Variants in KLHL18 observed in about 807,000 individuals in gnomAD.
KLHL18 encodes the protein kelch like family member 18.
KLHL18 carries 38 observed loss-of-function variants against 58.5 expected under a neutral mutation model. That is an observed-to-expected ratio of 0.65 (90% CI 0.50 to 0.85). The LOEUF (loss-of-function observed/expected upper bound fraction) is 0.85, where lower values mean the gene tolerates loss of function less well. Among genes scored for constraint, KLHL18 ranks in the 40% least tolerant of loss-of-function variants. KLHL18 has a pLI of 0.00. For missense variants in KLHL18, 624 were observed against 778.4 expected (o/e 0.80, Z 2.36); for synonymous variants, 303 against 301.9 (o/e 1.00, Z -0.04).
intron 2 of KLHL18, among the ~76,000 whole-genome samples, chr3:47,321,851 A>T (rs1171712588): frequency 1.3e-5 from 2 of 152,174 alleles, no homozygotes; most frequent in Non-Finnish European, 1.5e-5. Context: ...TGAGGGAATG[A>T]GCCATCTGGG....
intron 1 of KLHL18, among the ~76,000 whole-genome samples, chr3:47,284,138 G>A (rs1220622525): frequency 1.3e-5 from 2 of 151,948 alleles, no homozygotes; most frequent in Non-Finnish European, 2.9e-5. Flanking sequence ...AGGGTGAGGT[G>A]GGAGGATCGC....
rs1210229341 is a variant in KLHL18 at position 47,344,724 on chromosome 3, C to T, written c.*783C>T. The T allele has an allele frequency of 4.6e-5, 7 of 152,598 alleles. No homozygotes were observed. The highest frequency in any genetic ancestry group is 1.4e-4 in the African/African-American group (6 of 41,438). 9.5% of individuals were successfully genotyped at this position (152,598 alleles called of 1,614,324 possible). A position where few individuals can be genotyped will look rare whatever the true frequency, so the allele number is the denominator to read the frequency against. On this transcript the variant is annotated 3_prime_UTR_variant, in exon 10 of 10. Coordinates refer to ENST00000232766, the MANE Select transcript of KLHL18 (RefSeq NM_025010.5). ...AAAAAAGCATAAAAGACACTAACGG[C>T]AAATCTATGTTTAAATGGAAAATCG...
chr3:47,300,299 ATATATATATATG>A (rs1414841055), intron 1 of KLHL18, among the ~76,000 whole-genome samples: 1 of 146,044 alleles, frequency 6.8e-6, no homozygotes, highest in East Asian at 2.0e-4. Flanking sequence ...ATATATATAT[ATATATATATATG>A]TGTGTATATA....
intron 1 of KLHL18, among the ~76,000 whole-genome samples, chr3:47,309,676 C>G (rs1291714414): frequency 3.9e-5 from 6 of 152,134 alleles, no homozygotes; most frequent in Admixed American, 6.5e-5. Context: ...TGTAGCTAGC[C>G]GAGATCACGC....
chr3:47,302,742 T>C (rs1703054674), intron 1 of KLHL18, among the ~76,000 whole-genome samples: 1 of 152,218 alleles, frequency 6.6e-6, no homozygotes, highest in Admixed American at 6.5e-5. Flanking sequence ...ACTTTTTGCT[T>C]TTTCGTTTCT....
intron 1 of KLHL18, among the ~76,000 whole-genome samples, chr3:47,314,502 T>TC (rs1703377269): frequency 6.6e-6 from 1 of 151,936 alleles, no homozygotes; most frequent in Admixed American, 6.6e-5. Flanking sequence ...TTTTTTTTTT[T>TC]CTTCCTTTTT....
At chr3:47,298,714 C>T (rs1481481002) in intron 1 of KLHL18, among the ~76,000 whole-genome samples, 2 of 152,276 alleles carry the variant, frequency 1.3e-5, no homozygotes, top group East Asian at 3.9e-4. Context: ...TCACATCCAG[C>T]CCCCTCCCAC....
chr3:47,325,925 G>T (rs1576171941), intron 3 of KLHL18, among the ~76,000 whole-genome samples: 2 of 151,466 alleles, frequency 1.3e-5, no homozygotes, highest in African/African-American at 4.8e-5. Flanking sequence ...CTGCCACCAT[G>T]CCCGGCTAAT....
chr3:47,326,405 G>C (rs766746138), intron 3 of KLHL18, among the ~76,000 whole-genome samples: 2 of 152,218 alleles, frequency 1.3e-5, no homozygotes, highest in Non-Finnish European at 1.5e-5. Flanking sequence ...AAGTCAAGCT[G>C]TGTCAGCAAG....
At chr3:47,291,911 G>A (rs1229976681) in intron 1 of KLHL18, among the ~76,000 whole-genome samples, 2 of 152,192 alleles carry the variant, frequency 1.3e-5, no homozygotes, top group South Asian at 2.1e-4. Flanking sequence ...AAGCCTTCAC[G>A]CTCTGCTGGA....
Position 47,343,581 on chromosome 3 carries a change from C to A in KLHL18, c.1365C>A (p.Ala455=). Residue 455 remains alanine, a synonymous_variant, in exon 10 of 10, where the codon GCC becomes GCA. Coordinates refer to ENST00000232766, the MANE Select transcript of KLHL18 (RefSeq NM_025010.5). ...SSVEHYNHHT[A]TWHPAAGMLN... is the part of the protein sequence containing the mutation. The stretch of plus-strand genomic sequence containing the variant: ...TGGAACACTACAACCACCACACAGC[C>A]ACCTGGCACCCTGCAGCTGGCATGC... 2 of 1,613,836 alleles carry A rather than the reference C, an allele frequency of 1.2e-6. No homozygotes were observed. The highest frequency in any genetic ancestry group is 1.7e-6 in the Non-Finnish European group (2 of 1,180,050).
intron 1 of KLHL18, among the ~76,000 whole-genome samples, chr3:47,319,414 G>A (rs972237736): frequency 2.6e-5 from 4 of 152,050 alleles, no homozygotes; most frequent in Admixed American, 1.3e-4. Flanking sequence ...CTGTTTTAAC[G>A]CTTCATTAAA....
chr3:47,338,373 A>G (rs1704032457), intron 7 of KLHL18: 2 of 152,354 alleles, frequency 1.3e-5, no homozygotes, highest in Middle Eastern at 3.4e-3. Context: ...GTCCGTATCC[A>G]GAAGGATAGT....
At chr3:47,312,774 G>A (rs1703332450) in intron 1 of KLHL18, among the ~76,000 whole-genome samples, 1 of 152,124 alleles carries the variant, frequency 6.6e-6, no homozygotes, top group Admixed American at 6.6e-5. Context: ...CAAACTCCTA[G>A]TAGCTGAGAT....
chr3:47,292,286 C>T (rs953780748), intron 1 of KLHL18, among the ~76,000 whole-genome samples: 1 of 151,168 alleles, frequency 6.6e-6, no homozygotes, highest in Admixed American at 6.6e-5. Context: ...ACCAGCCTGA[C>T]CAACATGGTG....
At chr3:47,295,953 C>T (rs1366243475) in intron 1 of KLHL18, among the ~76,000 whole-genome samples, 2 of 152,258 alleles carry the variant, frequency 1.3e-5, no homozygotes, top group Admixed American at 6.5e-5. Context: ...TGTGAAGTCC[C>T]ATCTCTCTGA....
chr3:47,333,281 A>C lies in KLHL18; in HGVS notation c.725A>C (p.Gln242Pro), dbSNP rs1221081711. Reference protein sequence around the residue: ...CRPQFLSDRVQQDDLVRCCHK... With the variant: ...CRPQFLSDRVPQDDLVRCCHK... ...CCCCAGTTCCTTTCAGACAGAGTAC[A>C]GCAGGATGACCTGGTGCGTTGCTGC... The change falls in exon 5 of 10, where the codon CAG becomes CCG. Residue 242 changes from glutamine to proline, a missense_variant. Gln to Pro is a moderately conservative substitution (Grantham distance 76). Transcript: ENST00000232766. 6.2e-7 allele frequency: 1 copy of C among 1,614,036 alleles called. No homozygotes were observed. Among genetic ancestry groups the C allele is most frequent in the African/African-American group, 1.3e-5 (1 of 74,932 alleles).
chr3:47,328,659 A>AG (rs895828835), intron 3 of KLHL18, among the ~76,000 whole-genome samples: 3 of 152,062 alleles, frequency 2.0e-5, no homozygotes, highest in African/African-American at 7.2e-5. Flanking sequence ...GCTTATCTCA[A>AG]GGGACTGTGA....
chr3:47,301,539 G>A (rs955558957), intron 1 of KLHL18, among the ~76,000 whole-genome samples: 2 of 152,056 alleles, frequency 1.3e-5, no homozygotes, highest in African/African-American at 4.8e-5. Flanking sequence ...CCATTCTTGT[G>A]TGAGGTTACC....
Sources: allele counts gnomAD v4.1 joint callset (sites outside exome capture counted in the v4.1 genomes callset), GRCh38; gene constraint gnomAD v4.1.1; transcripts MANE v1.5; gene names NCBI Gene and HGNC (gene_info 2026-07-23, HGNC 2026-07-21).